The following FAM184A variants were observed in gnomAD, a reference collection of about 807,000 sequenced individuals.
FAM184A encodes protein FAM184A.
Under a neutral mutation model 143.8 loss-of-function variants are expected in FAM184A, and 99 were observed. That is an observed-to-expected ratio of 0.69 (90% CI 0.58 to 0.81). The LOEUF (loss-of-function observed/expected upper bound fraction) is 0.81. Among genes scored for constraint, FAM184A ranks in the 40% least tolerant of loss-of-function variants. The pLI is 0.00. For missense variants in FAM184A, 1,217 were observed against 1,310.5 expected, an observed-to-expected ratio of 0.93 and a Z score of 1.10; for synonymous variants, 427 against 446.4, an observed-to-expected ratio of 0.96 and a Z score of 0.55.
At chr6:119,120,844 C>CTTTTTTTTTTTTTTTT (rs1456788014) in intron 1 of FAM184A, among the ~76,000 whole-genome samples, 1 of 120,684 alleles carries the variant, frequency 8.3e-6, no homozygotes. Flanking sequence ...TTCTTTCTTT[C>CTTTTTTTTTTTTTTTT]TTTCTTTTTT....
chr6:119,045,200 T>G (rs1242348380), intron 1 of FAM184A, among the ~76,000 whole-genome samples: 2 of 151,952 alleles, frequency 1.3e-5, no homozygotes, highest in East Asian at 3.9e-4. Flanking sequence ...TCAAAGAAGC[T>G]GGGAAACCTC....
At chr6:118,981,064 G>A (rs1784005592) in intron 9 of FAM184A, among the ~76,000 whole-genome samples, 1 of 152,032 alleles carries the variant, frequency 6.6e-6, no homozygotes, top group African/African-American at 2.4e-5. Flanking sequence ...ATAATGTCAG[G>A]TGCTTTTCTT....
intron 1 of FAM184A, among the ~76,000 whole-genome samples, chr6:119,118,575 G>T (rs1186386603): frequency 6.6e-6 from 1 of 152,018 alleles, no homozygotes; most frequent in Non-Finnish European, 1.5e-5. Context: ...AATTTCTTAC[G>T]CCTGTCTTTA....
chr6:119,141,187 AAC>A (rs545008240), intron 1 of FAM184A, among the ~76,000 whole-genome samples: 137 of 152,360 alleles, frequency 9.0e-4, no homozygotes, highest in African/African-American at 3.1e-3. Context: ...ATAAAATAAC[AAC>A]ACTTTAAAAC....
In FAM184A at chr6:119,016,743, T is replaced by C. The variant is rs756894102; in HGVS notation, c.1530+4A>G. 6.2e-7 allele frequency: 1 copy of C among 1,609,258 alleles called. No homozygotes were observed. Among genetic ancestry groups the C allele is most frequent in the Non-Finnish European group, 8.5e-7 (1 of 1,175,896 alleles). On this transcript the variant is annotated splice_donor_region_variant and intron_variant, in intron 5 of 17. Coordinates refer to ENST00000338891, the MANE Select transcript of FAM184A (RefSeq NM_024581.6). Reference sequence around the variant, plus strand: ...ATGCAATGATAAATTAAATTTTTACTCACCATTTGCAGTTTTTTCTTATCC... The same window carrying C: ...ATGCAATGATAAATTAAATTTTTACCCACCATTTGCAGTTTTTTCTTATCC...
chr6:119,004,567 G>C (rs186128368), intron 7 of FAM184A, among the ~76,000 whole-genome samples: 743 of 152,292 alleles, frequency 4.9e-3, no homozygotes, highest in Non-Finnish European at 6.5e-3. Flanking sequence ...AAACGGAGTA[G>C]ACTGCTTAAA....
chr6:119,034,434 A>G (rs1786028707), intron 1 of FAM184A, among the ~76,000 whole-genome samples: 1 of 152,082 alleles, frequency 6.6e-6, no homozygotes, highest in Non-Finnish European at 1.5e-5. Flanking sequence ...TATCTAACAC[A>G]GAGCCTATAT....
chr6:119,081,004 G>C (rs999581915), upstream of FAM184A, among the ~76,000 whole-genome samples: 6 of 152,176 alleles, frequency 3.9e-5, no homozygotes, highest in African/African-American at 1.4e-4. Context: ...TGGAGCAGGA[G>C]GGGGAAAGAG....
At chr6:119,058,513 T>C (rs1787097053) in intron 1 of FAM184A, among the ~76,000 whole-genome samples, 1 of 152,116 alleles carries the variant, frequency 6.6e-6, no homozygotes, top group Admixed American at 6.6e-5. Context: ...CAATTCTCCT[T>C]CTCTTAAATC....
chr6:119,006,461 G>C lies in FAM184A; in HGVS notation c.1801C>G (p.Leu601Val), dbSNP rs757675306. 3 of 1,610,432 alleles carry C rather than the reference G, an allele frequency of 1.9e-6. No individual in the cohort carries two copies. Among genetic ancestry groups the C allele is most frequent in the Non-Finnish European group, 2.5e-6 (3 of 1,179,040 alleles). ...KDSLKETKDALLNVEGELEQE... is the reference protein window; with the variant it reads ...KDSLKETKDAVLNVEGELEQE... ...TATGAAATTACCTCCACATTTAATAGAGCATCCTTGGTCTCCTTTAGGCTG... is the reference window on the plus strand; with the variant it reads ...TATGAAATTACCTCCACATTTAATACAGCATCCTTGGTCTCCTTTAGGCTG... Residue 601 changes from leucine (L) to valine (V), a missense_variant, in exon 7 of 18, where the codon CTA (leucine) becomes GTA (valine). Physicochemically the swap from Leu to Val is conservative, Grantham distance 32. Transcript: ENST00000338891.
At chr6:118,982,753 C>T (rs78957697) in intron 9 of FAM184A, among the ~76,000 whole-genome samples, 2,833 of 152,228 alleles carry the variant, frequency 0.019, 99 homozygotes, top group African/African-American at 0.065. Context: ...ATTTGACTCA[C>T]GTTTGACCTA....
At chr6:119,070,300 C>T (rs1183001653) in intron 1 of FAM184A, among the ~76,000 whole-genome samples, 1 of 152,234 alleles carries the variant, frequency 6.6e-6, no homozygotes, top group East Asian at 1.9e-4. Context: ...CAGTTGTTCA[C>T]TGATGTAATT....
chr6:119,100,060 A>C (rs1331652461), intron 1 of FAM184A, among the ~76,000 whole-genome samples: 1 of 152,194 alleles, frequency 6.6e-6, no homozygotes, highest in East Asian at 1.9e-4. Flanking sequence ...AGGTGGTGTC[A>C]GAATTATATT....
At chr6:119,117,771 T>C (rs953528303) in intron 1 of FAM184A, among the ~76,000 whole-genome samples, 5 of 152,196 alleles carry the variant, frequency 3.3e-5, no homozygotes, top group African/African-American at 1.2e-4. Context: ...CCCTCCTTTT[T>C]AGTGATTAAT....
intron 1 of FAM184A, among the ~76,000 whole-genome samples, chr6:119,143,282 G>A (rs1222971307): frequency 1.3e-5 from 2 of 152,154 alleles, no homozygotes; most frequent in Non-Finnish European, 2.9e-5. Context: ...TTAACATAGA[G>A]AATTAAAATC....
chr6:118,986,931 G>T (rs998832414), intron 9 of FAM184A, among the ~76,000 whole-genome samples: 1 of 151,976 alleles, frequency 6.6e-6, no homozygotes, highest in Non-Finnish European at 1.5e-5. Flanking sequence ...ATAAATGTTT[G>T]TTGTTTCTTT....
At position 118,960,734 on chromosome 6, in the gene FAM184A, C is replaced by G. The variant is rs2275762; in HGVS notation, c.3342-550G>C. 1.1e-5 allele frequency: 13 copies of G among 1,160,348 alleles called. No homozygotes were observed. The East Asian group carries it at 6.3e-4, about 56-fold the overall frequency. The allele number at this position is 1,160,348 out of a possible 1,614,324, so 71.9% of individuals were successfully genotyped here. A position where few individuals can be genotyped will look rare whatever the true frequency, so the allele number is the denominator to read the frequency against. ...CTTTTCTTAATTCTAACTAAAGATT[C>G]TTTGGGCTACTTAAGAAAACAAAAG... is the stretch of plus-strand genomic sequence containing the variant. On this transcript the variant is annotated intron_variant, in intron 17 of 17. Coordinates refer to ENST00000338891, the MANE Select transcript of FAM184A (RefSeq NM_024581.6).
chr6:119,044,408 G>T (rs1179240343), intron 1 of FAM184A, among the ~76,000 whole-genome samples: 1 of 152,094 alleles, frequency 6.6e-6, no homozygotes, highest in African/African-American at 2.4e-5. Flanking sequence ...CAAAGCAAGA[G>T]TCTGTCTCTA....
intron 15 of FAM184A, among the ~76,000 whole-genome samples, chr6:118,965,823 G>A (rs1783485406): frequency 6.6e-6 from 1 of 152,156 alleles, no homozygotes; most frequent in African/African-American, 2.4e-5. Context: ...TAAGAACTGG[G>A]AATTAATAGC....
Sources: gnomAD v4.1 joint callset for allele counts (sites outside exome capture counted in the v4.1 genomes callset) on GRCh38, gnomAD v4.1.1 for gene constraint, MANE v1.5 for transcripts, NCBI Gene and HGNC (gene_info 2026-07-23, HGNC 2026-07-21) for gene names.